Variants in SEMA3C observed in about 807,000 individuals in gnomAD.
The protein encoded by SEMA3C is semaphorin 3C, also known as semaphorin-3C.
SEMA3C carries 47 observed loss-of-function variants against 89.4 expected under a neutral mutation model. That is an observed-to-expected ratio of 0.53 (90% CI 0.42 to 0.67). The LOEUF is 0.67. Ranked by LOEUF, SEMA3C falls within the 30% of genes least tolerant of loss-of-function variation. The probability of loss-of-function intolerance (pLI) is 0.00; values close to 1 mark genes in which losing one functional copy is unlikely to be tolerated. For missense variants in SEMA3C, 839 were observed against 929.1 expected, an observed-to-expected ratio of 0.90 and a Z score of 1.26; for synonymous variants, 310 against 320.2, an observed-to-expected ratio of 0.97 and a Z score of 0.34.
intron 2 of SEMA3C, among the ~76,000 whole-genome samples, chr7:80,876,430 C>T (rs1303963935): frequency 6.6e-6 from 1 of 152,136 alleles, no homozygotes; most frequent in Non-Finnish European, 1.5e-5. Context: ...GACTCTGGCA[C>T]CAGATGGCTT....
At chr7:80,753,706 G>A (rs549077913) in intron 15 of SEMA3C, among the ~76,000 whole-genome samples, 2 of 152,264 alleles carry the variant, frequency 1.3e-5, no homozygotes, top group Non-Finnish European at 2.9e-5. Flanking sequence ...ATCCACAACA[G>A]TAAATTCTTT....
chr7:80,776,775 G>A (rs1420689020), intron 12 of SEMA3C, among the ~76,000 whole-genome samples: 2 of 152,148 alleles, frequency 1.3e-5, no homozygotes, highest in Non-Finnish European at 2.9e-5. Flanking sequence ...AAATGTAGGT[G>A]ATGCTGGAAA....
intron 12 of SEMA3C, among the ~76,000 whole-genome samples, chr7:80,781,051 G>T (rs983564410): frequency 6.6e-6 from 1 of 152,078 alleles, no homozygotes; most frequent in Non-Finnish European, 1.5e-5. Flanking sequence ...GCTTTCCTTG[G>T]CATATGGTCT....
At chr7:80,887,531 C>CT (rs1554389279) in intron 2 of SEMA3C, among the ~76,000 whole-genome samples, 1 of 152,142 alleles carries the variant, frequency 6.6e-6, no homozygotes, top group East Asian at 1.9e-4. Flanking sequence ...CAAATCAAAG[C>CT]ATTGGTAGTA....
rs183841658 is a variant in SEMA3C, at chr7:80,852,921, G to A, written c.104-24176C>T. Reference sequence around the variant, plus strand: ...TCTCGATCTCCTGACCTCGTGATCCGCCCGCCTCGGCCTCCCAAAGTGCTG... The same window carrying A: ...TCTCGATCTCCTGACCTCGTGATCCACCCGCCTCGGCCTCCCAAAGTGCTG... On this transcript the variant is annotated intron_variant, in intron 2 of 17. Transcript: ENST00000265361. 3.6e-3 allele frequency among the ~76,000 whole-genome samples: 543 copies of A among 151,966 alleles called. 9 individuals carry two copies. The highest frequency in any genetic ancestry group is 0.035 in the East Asian group (182 of 5,140).
chr7:80,775,423 A>G, intron 12 of SEMA3C, among the ~76,000 whole-genome samples: 3 of 152,266 alleles, frequency 2.0e-5, no homozygotes, highest in Middle Eastern at 6.8e-3. Context: ...ACTCTAAAAA[A>G]TAAATAAAAA....
intron 12 of SEMA3C, among the ~76,000 whole-genome samples, chr7:80,770,355 A>C (rs1041498701): frequency 6.6e-6 from 1 of 152,214 alleles, no homozygotes; most frequent in Non-Finnish European, 1.5e-5. Flanking sequence ...GGGGGTGGTG[A>C]GAATGGTATT....
At chr7:80,780,982 G>A (rs1383110723) in intron 12 of SEMA3C, among the ~76,000 whole-genome samples, 1 of 152,136 alleles carries the variant, frequency 6.6e-6, no homozygotes, top group Admixed American at 6.6e-5. Context: ...GTTCCTTTCT[G>A]CATGCTTTAG....
intron 2 of SEMA3C, among the ~76,000 whole-genome samples, chr7:80,886,932 T>A (rs1236584659): frequency 6.6e-6 from 1 of 152,166 alleles, no homozygotes. Context: ...AGGTAACAAA[T>A]ATTGATCAAT....
At chr7:80,881,297 T>C (rs1216970454) in intron 2 of SEMA3C, among the ~76,000 whole-genome samples, 2 of 152,192 alleles carry the variant, frequency 1.3e-5, no homozygotes, top group Non-Finnish European at 1.5e-5. Context: ...TCTCAAATAT[T>C]GTTCTACTTA....
At chr7:80,876,599 T>A (rs1315457069) in intron 2 of SEMA3C, among the ~76,000 whole-genome samples, 1 of 152,218 alleles carries the variant, frequency 6.6e-6, no homozygotes, top group African/African-American at 2.4e-5. Flanking sequence ...CAAAGTGTGT[T>A]CCCAAATAAT....
intron 2 of SEMA3C, among the ~76,000 whole-genome samples, chr7:80,863,585 T>C (rs1583954367): frequency 6.6e-6 from 1 of 151,404 alleles, no homozygotes; most frequent in Non-Finnish European, 1.5e-5. Context: ...CAATTCGCAA[T>C]TGCAAAATTG....
chr7:80,807,451 A>T (rs6978790), intron 6 of SEMA3C, among the ~76,000 whole-genome samples: 111,447 of 152,104 alleles, frequency 0.73, 41,254 homozygotes, highest in South Asian at 0.84. Flanking sequence ...AACAGCAAGT[A>T]AGGAACTTTC....
At chr7:80,777,522 C>A (rs1788578775) in intron 12 of SEMA3C, among the ~76,000 whole-genome samples, 2 of 152,090 alleles carry the variant, frequency 1.3e-5, no homozygotes. Context: ...AAACTCCTGA[C>A]CTCAGGTGAT....
In SEMA3C at chr7:80,810,718, A is replaced by G. The variant is rs1421379291; in HGVS notation, c.448-17T>C. 2 of 1,584,194 alleles carry G rather than the reference A, an allele frequency of 1.3e-6. No individual in the cohort carries two copies. Among genetic ancestry groups the G allele is most frequent in the East Asian group, 2.2e-5 (1 of 44,706 alleles). On this transcript the variant is annotated splice_polypyrimidine_tract_variant and intron_variant, in intron 5 of 17. Transcript: ENST00000265361. ...AACTTGGTCCTTTATTGTAGATAAA[A>G]TTTAAAATGTGGCAATGATAACTTA...
intron 2 of SEMA3C, among the ~76,000 whole-genome samples, chr7:80,894,797 C>T (rs1197395681): frequency 2.0e-5 from 3 of 152,060 alleles, no homozygotes; most frequent in Non-Finnish European, 4.4e-5. Context: ...ACTGCATTAT[C>T]TCAATTCCTC....
In SEMA3C at chr7:80,878,841, A is replaced by G. The variant is rs116955862; in HGVS notation, c.103+37838T>C. ...GGAGTGTGATCCTAGAGACACTGAT[A>G]TTTAAGAAGATACATAAAGATGAAT... On this transcript the variant is annotated intron_variant, in intron 2 of 17. Coordinates refer to ENST00000265361, the MANE Select transcript of SEMA3C (RefSeq NM_006379.5). Among the ~76,000 whole-genome samples, 133 of 152,306 alleles carry G rather than the reference A, an allele frequency of 8.7e-4. 1 individual carries two copies. The East Asian group carries it at 0.023, about 26-fold the overall frequency.
chr7:80,852,020 T>TAGAA, intron 2 of SEMA3C, among the ~76,000 whole-genome samples: 1 of 152,206 alleles, frequency 6.6e-6, no homozygotes, highest in Non-Finnish European at 1.5e-5. Flanking sequence ...CTTGATCTTC[T>TAGAA]CTAAATGCCT....
rs187059978 is a variant in SEMA3C, at chr7:80,821,922, T to C, written c.328-3504A>G. Reference sequence around the variant, plus strand: ...TAGCAATGAGCAGATTCCCACACTATCTGTTGCTCAATGTGCTCCCTGCCC... The same window carrying C: ...TAGCAATGAGCAGATTCCCACACTACCTGTTGCTCAATGTGCTCCCTGCCC... On this transcript the variant is annotated intron_variant, in intron 4 of 17. Transcript: ENST00000265361. Among the ~76,000 whole-genome samples the C allele has an allele frequency of 2.6e-5, 4 of 151,920 alleles. No homozygotes were observed. The East Asian group carries it at 5.8e-4, about 22-fold the overall frequency.
Sources: gnomAD v4.1 joint callset for allele counts (sites outside exome capture counted in the v4.1 genomes callset) on GRCh38, gnomAD v4.1.1 for gene constraint, MANE v1.5 for transcripts, NCBI Gene and HGNC (gene_info 2026-07-23, HGNC 2026-07-21) for gene names.